The following IL1R1 variants were observed in gnomAD, a reference collection of about 807,000 sequenced individuals.
IL1R1 encodes interleukin 1 receptor type 1.
A neutral mutation model predicts 50.2 loss-of-function variants in IL1R1; 22 were observed. The ratio of observed to expected loss-of-function variants is 0.44; its 90% CI spans 0.31 to 0.63. The LOEUF (loss-of-function observed/expected upper bound fraction) is 0.63. IL1R1 is among the 20% of genes least tolerant of loss of function. The pLI is 0.07. For missense variants in IL1R1, 509 were observed against 676.2 expected (o/e 0.75, Z 2.74); for synonymous variants, 251 against 236.7 (o/e 1.06, Z -0.55).
rs1578016087 is a variant in IL1R1 at position 102,165,119 on chromosome 2, T to C, written c.301T>C (p.Ser101Pro). Residue 101 changes from serine to proline, a missense_variant, in exon 5 of 12, where the codon TCA becomes CCA. Physicochemically the swap from Ser to Pro is moderately conservative, Grantham distance 74. Transcript: ENST00000410023. Reference sequence around the variant, plus strand: ...ACCTATTTTATTTTATTTTAGAAATTCATCTTACTGCCTCAGAATTAAAAT... The same window carrying C: ...ACCTATTTTATTTTATTTTAGAAATCCATCTTACTGCCTCAGAATTAAAAT... ...SGHYYCVVRN[S>P]SYCLRIKISA... 6.4e-7 allele frequency: 1 copy of C among 1,568,086 alleles called. No homozygotes were observed. Among genetic ancestry groups the C allele is most frequent in the Non-Finnish European group, 8.6e-7 (1 of 1,160,498 alleles).
intron 2 of IL1R1, 59 bp from the exon 3 acceptor site, chr2:102,157,660 A>T: frequency 1.8e-6 from 2 of 1,108,328 alleles, no homozygotes; most frequent in Middle Eastern, 2.0e-4. Context: ...AGTTTTAGAG[A>T]TTTGCTGGAA....
At chr2:102,105,691 C>T (rs1172004360) in intron 1 of IL1R1, among the ~76,000 whole-genome samples, 1 of 152,140 alleles carries the variant, frequency 6.6e-6, no homozygotes, top group Non-Finnish European at 1.5e-5. Flanking sequence ...TAATGGCAGC[C>T]TCTATTGGTT....
chr2:102,117,759 G>A (rs1157300956), intron 1 of IL1R1, among the ~76,000 whole-genome samples: 1 of 152,080 alleles, frequency 6.6e-6, no homozygotes, highest in Non-Finnish European at 1.5e-5. Context: ...AGCCTGCTGA[G>A]CAGAGAGCGT....
rs10173420 is a variant in IL1R1, at chr2:102,118,354, T to C, written c.-84+13482T>C. Among the ~76,000 whole-genome samples, 1,223 of 152,276 alleles carry C rather than the reference T, an allele frequency of 8.0e-3. 20 individuals carry two copies. Among genetic ancestry groups the C allele is most frequent in the African/African-American group, 0.026 (1,099 of 41,556 alleles). On this transcript the variant is annotated intron_variant, in intron 1 of 10. Coordinates refer to the IL1R1 transcript ENST00000409329. Reference sequence around the variant, plus strand: ...CCATACACCTCGCCCTGCATATCTCTTCATCTGGCTGTCTTCTGTATCCTT... The same window carrying C: ...CCATACACCTCGCCCTGCATATCTCCTCATCTGGCTGTCTTCTGTATCCTT...
rs572753450 is a variant in IL1R1, at chr2:102,162,634, C to T, written c.62-2140C>T. Among the ~76,000 whole-genome samples, 6 of 151,938 alleles carry T rather than the reference C, an allele frequency of 3.9e-5. No homozygotes were observed. The South Asian group carries it at 1.0e-3, about 26-fold the overall frequency. On this transcript the variant is annotated intron_variant, in intron 3 of 11. Coordinates refer to ENST00000410023, the MANE Select transcript of IL1R1 (RefSeq NM_000877.4). Reference sequence around the variant, plus strand: ...CCATCTCTAAGTTATCTCTGTCTGCCTTCAGGTAACACTATACAGTTTCAC... The same window carrying T: ...CCATCTCTAAGTTATCTCTGTCTGCTTTCAGGTAACACTATACAGTTTCAC...
At chr2:102,175,887 A>G (rs899876190) in intron 11 of IL1R1, 3 of 597,006 alleles carry the variant, frequency 5.0e-6, no homozygotes, top group Non-Finnish European at 5.9e-6. Flanking sequence ...AGTTAAACCC[A>G]ACAGTTGCTT....
chr2:102,157,942 C>T (rs917059849), intron 3 of IL1R1, among the ~76,000 whole-genome samples, 157 bp downstream of exon 3: 3 of 152,204 alleles, frequency 2.0e-5, no homozygotes, highest in Admixed American at 1.3e-4. Context: ...GCTGGAAGTT[C>T]CTCTCAGCAT....
intron 1 of IL1R1, among the ~76,000 whole-genome samples, chr2:102,077,286 G>C (rs1050467594): frequency 2.0e-5 from 3 of 152,124 alleles, no homozygotes; most frequent in Admixed American, 2.0e-4. Context: ...GGCCAGGCTG[G>C]TCTTGAACTC....
At chr2:102,113,972 A>G (rs1188770277) in intron 1 of IL1R1, among the ~76,000 whole-genome samples, 1 of 152,204 alleles carries the variant, frequency 6.6e-6, no homozygotes, top group Non-Finnish European at 1.5e-5. Context: ...TGTACACATC[A>G]TTATGCCAAA....
intron 1 of IL1R1, among the ~76,000 whole-genome samples, chr2:102,077,091 G>C (rs1261040736): frequency 6.6e-6 from 1 of 150,816 alleles, no homozygotes; most frequent in Non-Finnish European, 1.5e-5. Flanking sequence ...TTTTTTTTGA[G>C]AGAGAGTCTT....
At chr2:102,076,337 C>T (rs1029018499) in intron 1 of IL1R1, among the ~76,000 whole-genome samples, 1 of 152,044 alleles carries the variant, frequency 6.6e-6, no homozygotes, top group African/African-American at 2.4e-5. Context: ...GCCACCATGC[C>T]TGGTTAATAT....
At chr2:102,159,054 C>T (rs773781474) in intron 3 of IL1R1, among the ~76,000 whole-genome samples, 6 of 152,136 alleles carry the variant, frequency 3.9e-5, no homozygotes, top group Admixed American at 6.5e-5. Flanking sequence ...TTTTGGCCTG[C>T]GCAAACGCAA....
intron 1 of IL1R1, among the ~76,000 whole-genome samples, chr2:102,119,588 A>G (rs1198327275): frequency 2.0e-5 from 3 of 152,242 alleles, no homozygotes; most frequent in South Asian, 4.1e-4. Flanking sequence ...CAAAAGTTAC[A>G]TAAGAACCGC....
At chr2:102,148,872 G>A (rs1350155596) in intron 1 of IL1R1, among the ~76,000 whole-genome samples, 1 of 152,188 alleles carries the variant, frequency 6.6e-6, no homozygotes. Flanking sequence ...AATAACACAG[G>A]AGGTCAAGGC....
chr2:102,168,061 T>C (rs1685355341), intron 6 of IL1R1, among the ~76,000 whole-genome samples: 1 of 152,162 alleles, frequency 6.6e-6, no homozygotes, highest in Non-Finnish European at 1.5e-5. Flanking sequence ...TGGCCACAGA[T>C]AAACCCCTGA....
chr2:102,172,351 C>G, intron 8 of IL1R1: 1 of 985,328 alleles, frequency 1.0e-6, no homozygotes. Context: ...CTTCACAACA[C>G]CTGCAAAGCA....
chr2:102,152,951 T>C (rs545468291), intron 1 of IL1R1, among the ~76,000 whole-genome samples: 11 of 151,864 alleles, frequency 7.2e-5, no homozygotes, highest in Non-Finnish European at 1.5e-4. Context: ...GCTTAGGTCT[T>C]ACAAGCTTTT....
intron 8 of IL1R1, 40 bp from the exon 9 acceptor site, chr2:102,172,647 A>G: frequency 6.5e-7 from 1 of 1,540,146 alleles, no homozygotes; most frequent in South Asian, 1.2e-5. Context: ...AGTTGATGCA[A>G]TTAACTTACA....
chr2:102,169,450 A>T (rs1685483399), intron 7 of IL1R1, among the ~76,000 whole-genome samples: 1 of 152,236 alleles, frequency 6.6e-6, no homozygotes, highest in Non-Finnish European at 1.5e-5. Context: ...TAATAGCCAC[A>T]TGTGACAAGT....
Sources: gnomAD v4.1 joint callset for allele counts (sites outside exome capture counted in the v4.1 genomes callset) on GRCh38, gnomAD v4.1.1 for gene constraint, MANE v1.5 for transcripts, NCBI Gene and HGNC (gene_info 2026-07-23, HGNC 2026-07-21) for gene names.